CCT8: variants seen among roughly 807,000 people sequenced by gnomAD.
CCT8 encodes chaperonin containing TCP1 subunit 8, also known as T-complex protein 1 subunit theta.
In CCT8, 10 loss-of-function variants were observed where a neutral mutation model predicts 65.7. That is an observed-to-expected ratio of 0.15 (90% CI 0.09 to 0.26). The LOEUF is 0.26. Ranked by LOEUF, CCT8 falls within the 10% of genes least tolerant of loss-of-function variation. The probability of loss-of-function intolerance (pLI) is 1.00; values close to 1 mark genes in which losing one functional copy is unlikely to be tolerated. For missense variants in CCT8, 568 were observed against 669.1 expected (o/e 0.85, Z 1.67); for synonymous variants, 199 against 221.8 (o/e 0.90, Z 0.92).
At chr21:29,062,706 A>G in intron 8 of CCT8, 150 bp from the exon 9 acceptor site, 1 of 654,560 alleles carries the variant, frequency 1.5e-6, no homozygotes, top group Non-Finnish European at 2.6e-6. Flanking sequence ...ATTGCAATGA[A>G]CACTAAGGCC....
At position 29,062,251 on chromosome 21, in the gene CCT8, A is replaced by C. The variant is rs1327514442; in HGVS notation, c.1097-8T>G. The C allele has an allele frequency of 6.2e-7, 1 of 1,610,102 alleles. No homozygotes were observed. Among genetic ancestry groups the C allele is most frequent in the Non-Finnish European group, 8.5e-7 (1 of 1,176,534 alleles). On this transcript the variant is annotated splice_polypyrimidine_tract_variant and splice_region_variant and intron_variant, in intron 10 of 14. Transcript: ENST00000286788. The stretch of plus-strand genomic sequence containing the variant: ...TGGCGCCATCTTCCTTTTCTATCAA[A>C]AAATTAAATATATTTGGTGATTAAA...
At chr21:29,073,310 G>T in intron 1 of CCT8, 3 of 1,401,504 alleles carry the variant, frequency 2.1e-6, no homozygotes, top group Non-Finnish European at 2.8e-6. Context: ...CGATCGTGCC[G>T]CCGATCCCTC....
intron 6 of CCT8, 136 bp from the exon 7 acceptor site, chr21:29,065,241 G>A: frequency 1.2e-6 from 1 of 845,106 alleles, no homozygotes; most frequent in Non-Finnish European, 1.9e-6. Context: ...CTGGGATAAG[G>A]GGTGGAGTGG....
rs2085614304 is a variant in CCT8, at chr21:29,065,740, T to A, written c.625-635A>T. On this transcript the variant is annotated intron_variant, in intron 6 of 14. Coordinates refer to ENST00000286788, the MANE Select transcript of CCT8 (RefSeq NM_006585.4). ...GGACGATTTCCACCCCACTCAAAACTGTCTTATAAGCTTATTATAATTCAG... is the reference window on the plus strand; with the variant it reads ...GGACGATTTCCACCCCACTCAAAACAGTCTTATAAGCTTATTATAATTCAG... Among the ~76,000 whole-genome samples, 4 of 152,248 alleles carry A rather than the reference T, an allele frequency of 2.6e-5. 1 individual carries two copies. The South Asian group carries it at 8.3e-4, about 31-fold the overall frequency.
intron 8 of CCT8, among the ~76,000 whole-genome samples, chr21:29,063,094 T>G (rs2085581937): frequency 6.6e-6 from 1 of 152,192 alleles, no homozygotes; most frequent in Non-Finnish European, 1.5e-5. Flanking sequence ...TCTAGTCTCT[T>G]GGACAAGTTG....
intron 7 of CCT8, among the ~76,000 whole-genome samples, 177 bp downstream of exon 7, chr21:29,064,791 C>T (rs2085603188): frequency 6.6e-6 from 1 of 152,052 alleles, no homozygotes. Context: ...TTTATATTTC[C>T]AGTTTAATGT....
chr21:29,065,161 A>C, intron 6 of CCT8, 56 bp from the exon 7 acceptor site: 2 of 1,569,408 alleles, frequency 1.3e-6, no homozygotes, highest in Non-Finnish European at 1.7e-6. Flanking sequence ...CATTACGGTC[A>C]AACTGTTGAT....
intron 14 of CCT8, among the ~76,000 whole-genome samples, chr21:29,057,902 C>G (rs995504283): frequency 2.6e-5 from 4 of 151,714 alleles, no homozygotes; most frequent in Middle Eastern, 3.4e-3. Context: ...ACAGTCCCAG[C>G]TATTCGGGAT....
intron 1 of CCT8, chr21:29,073,244 T>C: frequency 7.7e-7 from 1 of 1,304,402 alleles, no homozygotes; most frequent in South Asian, 1.8e-5. Flanking sequence ...CATTTACGGA[T>C]GGAGGCAAAA....
intron 6 of CCT8, among the ~76,000 whole-genome samples, chr21:29,066,377 C>T (rs189327135): frequency 6.6e-6 from 1 of 152,096 alleles, no homozygotes; most frequent in African/African-American, 2.4e-5. Context: ...CCCATCTCTA[C>T]TAAAAATACA....
At chr21:29,072,311 C>G (rs1323908500) in intron 1 of CCT8, 1 of 198,928 alleles carries the variant, frequency 5.0e-6, no homozygotes, top group Non-Finnish European at 1.0e-5. Context: ...GACATAAACT[C>G]TACGACAAAT....
intron 7 of CCT8, among the ~76,000 whole-genome samples, chr21:29,063,844 G>A (rs1352384842): frequency 2.6e-5 from 4 of 152,104 alleles, no homozygotes; most frequent in South Asian, 2.1e-4. Flanking sequence ...TCGGCTCACC[G>A]CAACCTCTGA....
intron 1 of CCT8, chr21:29,072,113 C>T (rs1414558662): frequency 4.9e-6 from 3 of 615,446 alleles, no homozygotes; most frequent in African/African-American, 3.7e-5. Flanking sequence ...GGAAACAGCC[C>T]AGGCTCAGGG....
chr21:29,066,887 T>C lies in CCT8; in HGVS notation c.562+4A>G. The C allele has an allele frequency of 6.3e-7, 1 of 1,598,554 alleles. No homozygotes were observed. Among genetic ancestry groups the C allele is most frequent in the Non-Finnish European group, 8.5e-7 (1 of 1,170,628 alleles). ...GATCTTTTCATTTACTGATATTTACTTACCGCATGCCTGAGCAATAAGCTT... is the reference window on the plus strand; with the variant it reads ...GATCTTTTCATTTACTGATATTTACCTACCGCATGCCTGAGCAATAAGCTT... On this transcript the variant is annotated splice_donor_region_variant and intron_variant, in intron 5 of 14. Transcript: ENST00000286788.
intron 1 of CCT8, chr21:29,072,099 C>T (rs901306680): frequency 2.1e-5 from 13 of 621,646 alleles, no homozygotes; most frequent in Middle Eastern, 2.6e-4. Context: ...AGTAAGAGGT[C>T]GGGGGAAACA....
intron 3 of CCT8, 46 bp from the exon 4 acceptor site, chr21:29,067,751 A>C: frequency 7.6e-7 from 1 of 1,308,564 alleles, no homozygotes; most frequent in Non-Finnish European, 9.9e-7. Context: ...TCCTTAAAGC[A>C]ACATAAAATT....
At chr21:29,057,780 A>G (rs2085519163) in intron 14 of CCT8, among the ~76,000 whole-genome samples, 1 of 133,996 alleles carries the variant, frequency 7.5e-6, no homozygotes, top group Non-Finnish European at 1.7e-5. Context: ...TATGATATAT[A>G]TGAGATATGT....
At chr21:29,070,172 A>C in intron 2 of CCT8, 75 bp downstream of exon 2, 1 of 868,636 alleles carries the variant, frequency 1.2e-6, no homozygotes, top group Non-Finnish European at 1.8e-6. Context: ...TAACATCCTC[A>C]GAACAAGTCT....
At chr21:29,073,415 C>G in intron 1 of CCT8, 116 bp downstream of exon 1, 1 of 1,552,842 alleles carries the variant, frequency 6.4e-7, no homozygotes, top group African/African-American at 1.4e-5. Context: ...CTTCTCTTCC[C>G]CCGGCCGCTG....
Sources: allele counts gnomAD v4.1 joint callset (sites outside exome capture counted in the v4.1 genomes callset), GRCh38; gene constraint gnomAD v4.1.1; transcripts MANE v1.5; gene names NCBI Gene and HGNC (gene_info 2026-07-23, HGNC 2026-07-21).